The following EPHB4 variants were observed in gnomAD, a reference collection of about 807,000 sequenced individuals.
The protein encoded by EPHB4 is ephrin type-B receptor 4.
Under a neutral mutation model 110.6 loss-of-function variants are expected in EPHB4, and 50 were observed. That is an observed-to-expected ratio of 0.45 (90% CI 0.36 to 0.57). The LOEUF is 0.57. EPHB4 is among the 20% of genes least tolerant of loss of function. EPHB4 has a pLI of 0.00. For missense variants in EPHB4, 1,128 were observed against 1,382.1 expected (o/e 0.82, Z 2.91); for synonymous variants, 592 against 578.4 (o/e 1.02, Z -0.34).
At chr7:100,804,147 C>T (rs556865894) in intron 16 of EPHB4, among the ~76,000 whole-genome samples, 3 of 152,064 alleles carry the variant, frequency 2.0e-5, no homozygotes, top group East Asian at 3.9e-4. Context: ...CAGGCACGCA[C>T]CACCATGCCC....
Position 100,819,389 on chromosome 7 carries a change from C to A in EPHB4, c.1297+168G>T, listed in dbSNP as rs314367. On this transcript the variant is annotated intron_variant, in intron 6 of 16. Transcript: ENST00000358173. ...CCTCTGAAAGTGCTGGGATTACAGGCGTGAGCCACTGCGCCCAGCCATTGC... is the reference window on the plus strand; with the variant it reads ...CCTCTGAAAGTGCTGGGATTACAGGAGTGAGCCACTGCGCCCAGCCATTGC... Among the ~76,000 whole-genome samples the A allele has an allele frequency of 0.98, 149,003 of 152,222 alleles. 73,014 individuals are homozygous for A. The highest frequency in any genetic ancestry group is 1 in the East Asian group (5,182 of 5,182).
Position 100,822,185 on chromosome 7 carries a change from A to G in EPHB4, c.808+86T>C, listed in dbSNP as rs1584665663. ...CCATTTCAACATCTAACTATACAAAATGGAAACTTAAGAAGTGGGTCCTGA... is the reference window on the plus strand; with the variant it reads ...CCATTTCAACATCTAACTATACAAAGTGGAAACTTAAGAAGTGGGTCCTGA... On this transcript the variant is annotated intron_variant, in intron 4 of 16. Coordinates refer to ENST00000358173, the MANE Select transcript of EPHB4 (RefSeq NM_004444.5). This position sits in a 1 kb window ranked among gnomAD's most constrained non-coding sequence, Gnocchi z 4.7. 2 of 1,452,538 alleles carry G rather than the reference A, an allele frequency of 1.4e-6. No individual in the cohort carries two copies. Among genetic ancestry groups the G allele is most frequent in the East Asian group, 5.0e-5 (2 of 39,878 alleles). 90.0% of individuals were successfully genotyped at this position (1,452,538 alleles called of 1,614,324 possible). A position where few individuals can be genotyped will look rare whatever the true frequency, so the allele number is the denominator to read the frequency against.
At chr7:100,817,501 C>T in intron 7 of EPHB4, 144 bp from the exon 8 acceptor site, 1 of 855,038 alleles carries the variant, frequency 1.2e-6, no homozygotes, top group East Asian at 3.1e-5. Context: ...CGCATGCAAG[C>T]CATGTGCTGT....
chr7:100,814,365 GC>G (rs1428208764), intron 8 of EPHB4, among the ~76,000 whole-genome samples: 1 of 152,142 alleles, frequency 6.6e-6, no homozygotes, highest in African/African-American at 2.4e-5. Context: ...TGCAATCTCC[GC>G]CTCCCGGGTT....
At chr7:100,813,854 T>C in intron 9 of EPHB4, 65 bp downstream of exon 9, 2 of 1,607,188 alleles carry the variant, frequency 1.2e-6, no homozygotes, top group Non-Finnish European at 1.7e-6. Flanking sequence ...GCTTGTCCTG[T>C]AGCACCCAGG....
intron 8 of EPHB4, among the ~76,000 whole-genome samples, chr7:100,814,371 C>A (rs903383860): frequency 2.6e-5 from 4 of 152,126 alleles, no homozygotes; most frequent in Non-Finnish European, 5.9e-5. Flanking sequence ...CTCCGCCTCC[C>A]GGGTTCTGCG....
At chr7:100,803,899 G>C (rs1812756393) in intron 16 of EPHB4, among the ~76,000 whole-genome samples, 1 of 152,170 alleles carries the variant, frequency 6.6e-6, no homozygotes, top group Non-Finnish European at 1.5e-5. Context: ...ACAGATTGCC[G>C]TAGAGGGAAA....
chr7:100,817,223 G>T lies in EPHB4; in HGVS notation c.1557C>A (p.Gly519=), dbSNP rs772331496. 2.5e-6 allele frequency: 4 copies of T among 1,590,532 alleles called. No homozygotes were observed. The highest frequency in any genetic ancestry group is 3.5e-5 in the Admixed American group (2 of 57,254). Residue 519 remains glycine, a synonymous_variant, in exon 8 of 17, where the codon GGC becomes GGA. Coordinates refer to ENST00000358173, the MANE Select transcript of EPHB4 (RefSeq NM_004444.5). ...GTTGGGTCTGGCTGTGATGTTCCTGGCCGAAGGGCCCGTAGCCGGCCTCAG... is the reference window on the plus strand; with the variant it reads ...GTTGGGTCTGGCTGTGATGTTCCTGTCCGAAGGGCCCGTAGCCGGCCTCAG... The part of the protein sequence containing the change: ...ARSEAGYGPF[G]QEHHSQTQLD...
In EPHB4 at chr7:100,822,294, G is replaced by A. The variant is rs768458157; in HGVS notation, c.785C>T (p.Ala262Val). The A allele has an allele frequency of 5.8e-6, 9 of 1,564,080 alleles. No homozygotes were observed. The highest frequency in any genetic ancestry group is 2.4e-5 in the East Asian group (1 of 41,786). The change falls in exon 4 of 17, where the codon GCT becomes GTT. Residue 262 changes from alanine (A) to valine (V), a missense_variant. Ala to Val is a moderately conservative substitution (Grantham distance 64). Transcript: ENST00000358173. This position sits in a 1 kb window ranked among gnomAD's most constrained non-coding sequence, Gnocchi z 4.7. Reference sequence around the variant, plus strand: ...ACCTCGGCACTTGGTGTTCCCCTCAGCTGCCTCGAACCCCGGAGCACAGCT... The same window carrying A: ...ACCTCGGCACTTGGTGTTCCCCTCAACTGCCTCGAACCCCGGAGCACAGCT... ...GCSCAPGFEA[A>V]EGNTKCRACA...
Sources: gnomAD v4.1 joint callset for allele counts (sites outside exome capture counted in the v4.1 genomes callset) on GRCh38, gnomAD v4.1.1 for gene constraint, Gnocchi (gnomAD v3.1) non-coding constraint, MANE v1.5 for transcripts, NCBI Gene and HGNC (gene_info 2026-07-23, HGNC 2026-07-21) for gene names.